Variants in ENTPD1 observed in about 807,000 individuals in gnomAD.
ENTPD1 encodes ectonucleoside triphosphate diphosphohydrolase 1.
In ENTPD1, 33 loss-of-function variants were observed where a neutral mutation model predicts 57.0. That is an observed-to-expected ratio of 0.58 (90% CI 0.44 to 0.77). The LOEUF (loss-of-function observed/expected upper bound fraction) is 0.77. ENTPD1 is among the 30% of genes least tolerant of loss of function. ENTPD1 has a pLI of 0.00. For missense variants in ENTPD1, 501 were observed against 603.4 expected, an observed-to-expected ratio of 0.83 and a Z score of 1.78; for synonymous variants, 202 against 218.8, an observed-to-expected ratio of 0.92 and a Z score of 0.68.
intron 1 of ENTPD1, among the ~76,000 whole-genome samples, chr10:95,746,700 A>T (rs1302483150): frequency 6.6e-6 from 1 of 152,166 alleles, no homozygotes; most frequent in South Asian, 2.1e-4. Context: ...TTTCAGATCC[A>T]TCCCTTTTTC....
intron 1 of ENTPD1, among the ~76,000 whole-genome samples, chr10:95,730,981 T>C (rs1465116399): frequency 6.6e-6 from 1 of 152,260 alleles, no homozygotes; most frequent in Non-Finnish European, 1.5e-5. Context: ...GCGTCATTAA[T>C]AATTATCAGC....
chr10:95,822,286 C>T (rs1225630809), intron 1 of ENTPD1, among the ~76,000 whole-genome samples: 4 of 151,796 alleles, frequency 2.6e-5, no homozygotes, highest in Middle Eastern at 3.2e-3. Flanking sequence ...GCGTGAGCCA[C>T]GGCACCCGTT....
At chr10:95,745,819 C>A (rs542303585) in intron 1 of ENTPD1, among the ~76,000 whole-genome samples, 1 of 152,288 alleles carries the variant, frequency 6.6e-6, no homozygotes, top group East Asian at 1.9e-4. Context: ...CTAGGCTTAC[C>A]TTCTCCTGCT....
At chr10:95,706,868 G>C (rs2097962740), upstream of ENTPD1, among the ~76,000 whole-genome samples, 1 of 152,166 alleles carries the variant, frequency 6.6e-6, no homozygotes, top group Non-Finnish European at 1.5e-5. Flanking sequence ...CCAGCAACCT[G>C]TCTGCCTTCC....
In ENTPD1 at chr10:95,871,161, C is replaced by A. The variant is rs1415673292; in HGVS notation, c.*4778C>A. The A allele has an allele frequency of 1.0e-6, 1 of 985,278 alleles. No homozygotes were observed. Among genetic ancestry groups the A allele is most frequent in the Non-Finnish European group, 1.2e-6 (1 of 829,944 alleles). The allele number at this position is 985,278 out of a possible 1,614,324, so 61.0% of individuals were successfully genotyped here. On this transcript the variant is annotated 3_prime_UTR_variant, in exon 10 of 10. Transcript: ENST00000371205. ...GTCAGATAAACAGTGGGAGGAATGGCAAAGTCATATGGCCAAGGCCATGAG... is the reference window on the plus strand; with the variant it reads ...GTCAGATAAACAGTGGGAGGAATGGAAAAGTCATATGGCCAAGGCCATGAG...
At chr10:95,706,010 G>T in the ENTPD1 span, among the ~76,000 whole-genome samples, 290 of 152,314 alleles carry the variant, frequency 1.9e-3, 5 homozygotes, top group African/African-American at 6.5e-3. Flanking sequence ...GAGGTGGGAA[G>T]TTCACTTGAG....
Position 95,876,589 on chromosome 10 carries a change from A to G in ENTPD1, c.*10206A>G. 8.1e-7 allele frequency: 1 copy of G among 1,230,640 alleles called. No homozygotes were observed. Among genetic ancestry groups the G allele is most frequent in the Middle Eastern group, 3.1e-4 (1 of 3,200 alleles). The allele number at this position is 1,230,640 out of a possible 1,614,324, so 76.2% of individuals were successfully genotyped here. Reference sequence around the variant, plus strand: ...TGGAAGTCTACATGGAGAATACAGGATGAATCCACTCTGTCTCCTGCAGTG... The same window carrying G: ...TGGAAGTCTACATGGAGAATACAGGGTGAATCCACTCTGTCTCCTGCAGTG... On this transcript the variant is annotated 3_prime_UTR_variant, in exon 10 of 10. Coordinates refer to ENST00000371205, the MANE Select transcript of ENTPD1 (RefSeq NM_001776.6).
Position 95,866,453 on chromosome 10 carries a change from AG to A in ENTPD1, c.*71del. On this transcript the variant is annotated 3_prime_UTR_variant, in exon 10 of 10. Transcript: ENST00000371205. Reference sequence around the variant, plus strand: ...TCCAGGGAGCATTTTCCTCCATCGCAGTGTTCAAGGCCATCCTTCCCTGTCT... The same window carrying A: ...TCCAGGGAGCATTTTCCTCCATCGCATGTTCAAGGCCATCCTTCCCTGTCT... 6.3e-7 allele frequency: 1 copy of A among 1,591,656 alleles called. No individual in the cohort carries two copies. Among genetic ancestry groups the A allele is most frequent in the Non-Finnish European group, 8.6e-7 (1 of 1,168,462 alleles).
intron 1 of ENTPD1, among the ~76,000 whole-genome samples, chr10:95,813,394 A>G (rs73333021): frequency 0.073 from 11,124 of 152,252 alleles, 448 homozygotes; most frequent in African/African-American, 0.096. Flanking sequence ...GCCCTCTGAC[A>G]TCAAAACATG....
intron 1 of ENTPD1, among the ~76,000 whole-genome samples, chr10:95,797,347 G>T (rs1268774073): frequency 6.6e-6 from 1 of 152,094 alleles, no homozygotes; most frequent in Non-Finnish European, 1.5e-5. Context: ...CAAGAGAAAG[G>T]CCTGGGCTGG....
intron 2 of ENTPD1, among the ~76,000 whole-genome samples, chr10:95,834,579 G>C (rs879491261): frequency 6.6e-6 from 1 of 152,176 alleles, no homozygotes; most frequent in Non-Finnish European, 1.5e-5. Flanking sequence ...GAAGCAGGCT[G>C]TCTGATGCTC....
At chr10:95,699,304 A>C in the ENTPD1 span, among the ~76,000 whole-genome samples, 39 of 152,352 alleles carry the variant, frequency 2.6e-4, no homozygotes, top group Non-Finnish European at 4.7e-4. Context: ...TTGTGATTAA[A>C]GATGGAAGAA....
chr10:95,803,626 C>T (rs532606112), intron 1 of ENTPD1, among the ~76,000 whole-genome samples: 7 of 152,072 alleles, frequency 4.6e-5, no homozygotes, highest in South Asian at 2.1e-4. Flanking sequence ...ATGGGTAGAT[C>T]GCAAAAATTT....
chr10:95,808,997 C>A (rs1419943011), intron 1 of ENTPD1, among the ~76,000 whole-genome samples: 1 of 152,068 alleles, frequency 6.6e-6, no homozygotes. Context: ...CCATTTAACC[C>A]TGAGTTGACA....
In ENTPD1 at chr10:95,822,061, G is replaced by C. The variant is rs560448906; in HGVS notation, c.17-1176G>C. On this transcript the variant is annotated intron_variant, in intron 1 of 9. Coordinates refer to ENST00000371205, the MANE Select transcript of ENTPD1 (RefSeq NM_001776.6). ...TGTCTCCAGGCTAGAGCACAGTGGTGCAATCTTGGCTCACAGCAACCTCTG... is the reference window on the plus strand; with the variant it reads ...TGTCTCCAGGCTAGAGCACAGTGGTCCAATCTTGGCTCACAGCAACCTCTG... Among the ~76,000 whole-genome samples, 3 of 138,322 alleles carry C rather than the reference G, an allele frequency of 2.2e-5. No homozygotes were observed. In the South Asian group the frequency reaches 6.9e-4, roughly 32 times the overall value. 90.7% of individuals were successfully genotyped at this position (138,322 alleles called of 152,430 possible). A position where few individuals can be genotyped will look rare whatever the true frequency, so the allele number is the denominator to read the frequency against.
At chr10:95,860,708 AC>A in intron 8 of ENTPD1, 126 bp downstream of exon 8, 2 of 768,684 alleles carry the variant, frequency 2.6e-6, no homozygotes, top group Non-Finnish European at 4.5e-6. Context: ...GTTAGAGAAG[AC>A]CAGATGGTGG....
rs1566278383 is a variant in ENTPD1 at position 95,876,509 on chromosome 10, G to T, written c.*10126G>T. ...TCCTATTCTGTATCTGTATCTCTTG[G>T]ATTTTTACCTTTGCAATAGTCAACT... On this transcript the variant is annotated 3_prime_UTR_variant, in exon 10 of 10. Coordinates refer to ENST00000371205, the MANE Select transcript of ENTPD1 (RefSeq NM_001776.6). 2.4e-6 allele frequency: 3 copies of T among 1,231,010 alleles called. No individual in the cohort carries two copies. Among genetic ancestry groups the T allele is most frequent in the East Asian group, 6.3e-5 (2 of 31,628 alleles). 76.3% of individuals were successfully genotyped at this position (1,231,010 alleles called of 1,614,324 possible).
chr10:95,871,237 A>C lies in ENTPD1; in HGVS notation c.*4854A>C. ...GTAAAGCATTAAATGCGATTATTTA[A>C]TATACAATGTCTTATTAACTGAAAT... On this transcript the variant is annotated 3_prime_UTR_variant, in exon 10 of 10. Coordinates refer to ENST00000371205, the MANE Select transcript of ENTPD1 (RefSeq NM_001776.6). 1.0e-6 allele frequency: 1 copy of C among 985,350 alleles called. No individual in the cohort carries two copies. Among genetic ancestry groups the C allele is most frequent in the South Asian group, 4.7e-5 (1 of 21,288 alleles). The allele number at this position is 985,350 out of a possible 1,614,324, so 61.0% of individuals were successfully genotyped here.
Position 95,866,781 on chromosome 10 carries a change from T to C in ENTPD1, c.*398T>C, listed in dbSNP as rs963654390. 4 of 1,106,216 alleles carry C rather than the reference T, an allele frequency of 3.6e-6. No homozygotes were observed. The highest frequency in any genetic ancestry group is 4.4e-6 in the Non-Finnish European group (4 of 901,724). 68.5% of individuals were successfully genotyped at this position (1,106,216 alleles called of 1,614,324 possible). A position where few individuals can be genotyped will look rare whatever the true frequency, so the allele number is the denominator to read the frequency against. ...AGAAGAATCTCAGGAACTGGTTCAG[T>C]TGTACTCTTTAAGAACCCCTTTCTC... On this transcript the variant is annotated 3_prime_UTR_variant, in exon 10 of 10. Coordinates refer to ENST00000371205, the MANE Select transcript of ENTPD1 (RefSeq NM_001776.6).
Sources: gnomAD v4.1 joint callset for allele counts (sites outside exome capture counted in the v4.1 genomes callset) on GRCh38, gnomAD v4.1.1 for gene constraint, MANE v1.5 for transcripts, NCBI Gene and HGNC (gene_info 2026-07-23, HGNC 2026-07-21) for gene names.